The following EYS variants were observed in gnomAD, a reference collection of about 807,000 sequenced individuals.
The protein encoded by EYS is EGF-like photoreceptor maintenance factor, also known as protein eyes shut homolog.
EYS carries 250 observed loss-of-function variants against 282.1 expected under a neutral mutation model. The ratio of observed to expected loss-of-function variants is 0.89; its 90% CI spans 0.80 to 0.98. The LOEUF (loss-of-function observed/expected upper bound fraction) is 0.98. Ranked by LOEUF, EYS falls within the 50% of genes least tolerant of loss-of-function variation. The pLI, the probability that EYS is intolerant of heterozygous loss-of-function variation, is 0.00. For missense variants in EYS, 4,016 were observed against 3,709.0 expected (o/e 1.08, Z -2.15); for synonymous variants, 1,355 against 1,282.9 (o/e 1.06, Z -1.20).
chr6:65,056,195 G>A (rs1387387508), intron 13 of EYS, among the ~76,000 whole-genome samples: 1 of 151,834 alleles, frequency 6.6e-6, no homozygotes, highest in Non-Finnish European at 1.5e-5. Flanking sequence ...CCTTCCATTG[G>A]CTCGCTTTGA....
At chr6:65,104,177 A>T (rs1055562180) in intron 12 of EYS, among the ~76,000 whole-genome samples, 2 of 151,456 alleles carry the variant, frequency 1.3e-5, no homozygotes, top group Admixed American at 6.6e-5. Flanking sequence ...AAGTGATTAC[A>T]CTATCATCAC....
At chr6:64,006,492 C>T (rs1012349788) in intron 33 of EYS, among the ~76,000 whole-genome samples, 1 of 152,050 alleles carries the variant, frequency 6.6e-6, no homozygotes, top group Non-Finnish European at 1.5e-5. Flanking sequence ...TTACTCTTGC[C>T]TGATTGCTCT....
At chr6:64,680,083 G>GA (rs994916939) in intron 22 of EYS, among the ~76,000 whole-genome samples, 12 of 149,492 alleles carry the variant, frequency 8.0e-5, no homozygotes, top group Non-Finnish European at 1.0e-4. Context: ...CTAGATGATG[G>GA]AAAAAAAAAC....
intron 22 of EYS, among the ~76,000 whole-genome samples, chr6:64,765,138 T>G (rs756756721): frequency 2.0e-5 from 3 of 152,254 alleles, no homozygotes; most frequent in Non-Finnish European, 4.4e-5. Context: ...TTAAATGGTT[T>G]GCTGCTTAGA....
At chr6:65,112,657 A>G (rs540490490) in intron 12 of EYS, among the ~76,000 whole-genome samples, 12 of 152,220 alleles carry the variant, frequency 7.9e-5, no homozygotes, top group Admixed American at 5.9e-4. Flanking sequence ...AGAAGGAGAG[A>G]TTTCCTTAAT....
chr6:64,533,226 T>C (rs1301632449), intron 26 of EYS, among the ~76,000 whole-genome samples: 1 of 152,030 alleles, frequency 6.6e-6, no homozygotes, highest in Non-Finnish European at 1.5e-5. Flanking sequence ...TAATGACAAA[T>C]AGCTTCTCAC....
chr6:65,235,397 G>C (rs1766896043), intron 12 of EYS, among the ~76,000 whole-genome samples: 1 of 138,416 alleles, frequency 7.2e-6, no homozygotes. Context: ...ATGAAAATAT[G>C]TGGATAAACT....
chr6:63,868,246 G>A (rs549272797), intron 35 of EYS, among the ~76,000 whole-genome samples: 2 of 152,114 alleles, frequency 1.3e-5, no homozygotes, highest in South Asian at 2.1e-4. Flanking sequence ...TAACTGCTAC[G>A]GGATATTTGA....
intron 22 of EYS, among the ~76,000 whole-genome samples, chr6:64,670,447 G>A (rs556856581): frequency 0.012 from 1,643 of 141,124 alleles, 13 homozygotes; most frequent in East Asian, 0.021. Flanking sequence ...ATAAATAAAT[G>A]AAAAAAAAAC....
intron 35 of EYS, among the ~76,000 whole-genome samples, chr6:63,928,403 G>A (rs1477255968): frequency 6.6e-6 from 1 of 152,154 alleles, no homozygotes; most frequent in Non-Finnish European, 1.5e-5. Context: ...TTTATTCACA[G>A]ATGTGTCTAA....
chr6:65,155,846 T>C (rs1037812311), intron 12 of EYS, among the ~76,000 whole-genome samples: 2 of 151,512 alleles, frequency 1.3e-5, no homozygotes, highest in Admixed American at 6.6e-5. Context: ...TGGCTGAATA[T>C]GTCCAAAGGC....
chr6:65,271,996 A>G (rs987144814), intron 12 of EYS, among the ~76,000 whole-genome samples: 1 of 152,158 alleles, frequency 6.6e-6, no homozygotes. Flanking sequence ...TGTCTACAGG[A>G]GGTAAAGTTC....
At chr6:65,240,677 T>A (rs1210035889) in intron 12 of EYS, among the ~76,000 whole-genome samples, 1 of 152,186 alleles carries the variant, frequency 6.6e-6, no homozygotes, top group Non-Finnish European at 1.5e-5. Context: ...TTTTATCCAG[T>A]CTACCATTAA....
chr6:63,950,194 CAAAAAAAAAA>C (rs563256139), intron 35 of EYS, among the ~76,000 whole-genome samples: 1 of 130,572 alleles, frequency 7.7e-6, no homozygotes, highest in Non-Finnish European at 1.7e-5. Flanking sequence ...CAAAACAAAA[CAAAAAAAAAA>C]AACAAAAAAA....
At chr6:64,929,998 C>A (rs950431525) in intron 15 of EYS, among the ~76,000 whole-genome samples, 2 of 151,962 alleles carry the variant, frequency 1.3e-5, no homozygotes, top group Non-Finnish European at 2.9e-5. Context: ...TGCTCAAGAA[C>A]AAAATGATAC....
Position 65,490,578 on chromosome 6 carries a change from C to T in EYS, c.862+16G>A, listed in dbSNP as rs375578637. On this transcript the variant is annotated intron_variant, in intron 5 of 42. Coordinates refer to ENST00000503581, the MANE Select transcript of EYS (RefSeq NM_001142800.2). ...AGTTACTTGTGTATATGGTTGTATA[C>T]ATATGCATTTTTTACCTGAAAATTG... 6.1e-6 allele frequency: 8 copies of T among 1,322,144 alleles called. No homozygotes were observed. Among genetic ancestry groups the T allele is most frequent in the African/African-American group, 4.3e-5 (3 of 69,168 alleles). The allele number at this position is 1,322,144 out of a possible 1,614,324, so 81.9% of individuals were successfully genotyped here.
intron 2 of EYS, among the ~76,000 whole-genome samples, chr6:65,521,672 A>G (rs1228815950): frequency 1.3e-5 from 2 of 152,162 alleles, no homozygotes; most frequent in African/African-American, 4.8e-5. Context: ...TTTTGGAAGA[A>G]AGTAATTTGT....
chr6:64,579,213 C>T (rs1218384391), intron 26 of EYS, among the ~76,000 whole-genome samples: 1 of 152,118 alleles, frequency 6.6e-6, no homozygotes, highest in Non-Finnish European at 1.5e-5. Flanking sequence ...GTGAGAGATG[C>T]TCTTCACTAG....
rs912633887 is a variant in EYS, at chr6:63,934,634, C to T, written c.7055+49749G>A. ...TGAAGCAGGAAACCATCATTCTCAG[C>T]AAACTATCGCAAGGACAAAAAACCA... is the stretch of plus-strand genomic sequence containing the variant. On this transcript the variant is annotated intron_variant, in intron 35 of 42. Coordinates refer to ENST00000503581, the MANE Select transcript of EYS (RefSeq NM_001142800.2). Among the ~76,000 whole-genome samples, 133 of 151,820 alleles carry T rather than the reference C, an allele frequency of 8.8e-4. 1 individual carries two copies. Among genetic ancestry groups the T allele is most frequent in the African/African-American group, 3.1e-3 (129 of 41,410 alleles).
Sources: allele counts gnomAD v4.1 joint callset (sites outside exome capture counted in the v4.1 genomes callset), GRCh38; gene constraint gnomAD v4.1.1; transcripts MANE v1.5; gene names NCBI Gene and HGNC (gene_info 2026-07-23, HGNC 2026-07-21).